Variants in RAB11FIP5 observed in about 807,000 individuals in gnomAD.
The protein encoded by RAB11FIP5 is RAB11 family interacting protein 5, also known as rab11 family-interacting protein 5.
In RAB11FIP5, 48 loss-of-function variants were observed where a neutral mutation model predicts 85.1. The ratio of observed to expected loss-of-function variants is 0.56; its 90% confidence interval spans 0.45 to 0.72. The LOEUF (loss-of-function observed/expected upper bound fraction) is 0.72. RAB11FIP5 is among the 30% of genes least tolerant of loss of function. The pLI is 0.00. For missense variants in RAB11FIP5, 1,491 were observed against 1,687.0 expected (o/e 0.88, Z 2.04); for synonymous variants, 729 against 727.3 (o/e 1.00, Z -0.04).
Position 73,088,393 on chromosome 2 carries a change from G to A in RAB11FIP5, c.1225C>T (p.Gln409Ter). 1 of 1,613,884 alleles carries A rather than the reference G, an allele frequency of 6.2e-7. No homozygotes were observed. The highest frequency in any genetic ancestry group is 8.5e-7 in the Non-Finnish European group (1 of 1,180,046). ...GCCCCAGGGGCCAGGACTTTAGCCT[G>A]AGCACTCAGCTCCTCCTGTCCAAGC... The part of the protein sequence containing the change: ...AVLGQEELSA[Q>*]AKVLAPGASH... Residue 409 changes from glutamine to a stop codon, truncating the protein, a stop_gained, in exon 3 of 6, where the codon CAG (glutamine) becomes TAG (stop). Transcript: ENST00000486777. LOFTEE classifies it high-confidence loss of function.
At chr2:73,100,432 T>TG (rs1468441397) in intron 1 of RAB11FIP5, among the ~76,000 whole-genome samples, 1 of 150,266 alleles carries the variant, frequency 6.7e-6, no homozygotes, top group East Asian at 1.9e-4. Context: ...GTGGTTTTTT[T>TG]TTTTTTTTTT....
chr2:73,109,190 AC>A (rs1684594164), intron 1 of RAB11FIP5, among the ~76,000 whole-genome samples: 1 of 152,206 alleles, frequency 6.6e-6, no homozygotes, highest in Non-Finnish European at 1.5e-5. Flanking sequence ...CTTGTGTACT[AC>A]CATTACATTT....
intron 4 of RAB11FIP5, among the ~76,000 whole-genome samples, chr2:73,077,355 T>C (rs1559231753): frequency 6.6e-6 from 1 of 152,196 alleles, no homozygotes; most frequent in Non-Finnish European, 1.5e-5. Flanking sequence ...CACTGCCACC[T>C]TCCTACCTTC....
chr2:73,090,759 T>C (rs1684192897), intron 1 of RAB11FIP5, among the ~76,000 whole-genome samples: 1 of 152,214 alleles, frequency 6.6e-6, no homozygotes, highest in African/African-American at 2.4e-5. Context: ...GAGCGATGAA[T>C]AGGCAGAGCA....
chr2:73,110,057 C>A (rs996912230), intron 1 of RAB11FIP5, among the ~76,000 whole-genome samples: 2 of 152,230 alleles, frequency 1.3e-5, no homozygotes, highest in African/African-American at 4.8e-5. Context: ...GGACTGGGAT[C>A]TGTCCAGTGC....
intron 1 of RAB11FIP5, among the ~76,000 whole-genome samples, chr2:73,111,998 C>A (rs1315430454): frequency 6.6e-6 from 1 of 152,146 alleles, no homozygotes; most frequent in Non-Finnish European, 1.5e-5. Flanking sequence ...GAGGCAGGCC[C>A]GGAGGTTCTA....
rs761489119 is a variant in RAB11FIP5, at chr2:73,100,579, C to T, written c.432-11264G>A. ...TAGCTGGGATTAAAGGCATGTGCTACCACACCCAGCTAATTTTTGTATTTC... is the reference window on the plus strand; with the variant it reads ...TAGCTGGGATTAAAGGCATGTGCTATCACACCCAGCTAATTTTTGTATTTC... On this transcript the variant is annotated intron_variant, in intron 1 of 5. Transcript: ENST00000486777. Among the ~76,000 whole-genome samples the T allele has an allele frequency of 8.6e-4, 130 of 151,984 alleles. 1 individual carries two copies. Among genetic ancestry groups the T allele is most frequent in the Non-Finnish European group, 1.7e-3 (117 of 68,002 alleles).
At position 73,089,381 on chromosome 2, in the gene RAB11FIP5, C is replaced by G; in HGVS notation, c.432-66G>C. 6.6e-7 allele frequency: 1 copy of G among 1,510,496 alleles called. No individual in the cohort carries two copies. The highest frequency in any genetic ancestry group is 9.1e-7 in the Non-Finnish European group (1 of 1,096,034). 93.6% of individuals were successfully genotyped at this position (1,510,496 alleles called of 1,614,324 possible). On this transcript the variant is annotated intron_variant, in intron 1 of 5. Transcript: ENST00000486777. This position sits in a 1 kb window ranked among gnomAD's most constrained non-coding sequence, Gnocchi z 4.6. Reference sequence around the variant, plus strand: ...CAGGGAGCCTGGCTCCCGCCCGGTACCAGGCACTGCCCAGACCCCTCCTTG... The same window carrying G: ...CAGGGAGCCTGGCTCCCGCCCGGTAGCAGGCACTGCCCAGACCCCTCCTTG...
At chr2:73,091,867 TC>T (rs1684219240) in intron 1 of RAB11FIP5, among the ~76,000 whole-genome samples, 1 of 151,682 alleles carries the variant, frequency 6.6e-6, no homozygotes, top group African/African-American at 2.4e-5. Flanking sequence ...TGAGAGACAA[TC>T]CCCTGAGAAG....
Position 73,106,474 on chromosome 2 carries a change from T to C in RAB11FIP5, c.431+5873A>G, listed in dbSNP as rs142242361. Among the ~76,000 whole-genome samples the C allele has an allele frequency of 2.2e-4, 34 of 152,288 alleles. 1 individual carries two copies. The East Asian group carries it at 5.8e-3, about 26-fold the overall frequency. On this transcript the variant is annotated intron_variant, in intron 1 of 5. Transcript: ENST00000486777. ...AGGGCTTCCTCCAAATGTAGGGAGA[T>C]ATCCAGGCTTCCCCCCCTTTGGAAT...
rs1365033497 is a variant in RAB11FIP5 at position 73,080,006 on chromosome 2, TG to T, written c.3225del (p.Ser1076AlafsTer59). The T allele has an allele frequency of 1.6e-6, 2 of 1,232,032 alleles. No individual in the cohort carries two copies. The highest frequency in any genetic ancestry group is 2.0e-6 in the Non-Finnish European group (2 of 988,024). 76.3% of individuals were successfully genotyped at this position (1,232,032 alleles called of 1,614,324 possible). On this transcript the variant is annotated frameshift_variant, in exon 4 of 6. Coordinates refer to ENST00000486777, the MANE Select transcript of RAB11FIP5 (RefSeq NM_001371272.1). LOFTEE classifies it high-confidence loss of function. ...PFLFQGSRDP[P>X]SLSSASPPGS... ...CCTGGCGGGGATGCAGATGAGAGGCTGGGAGGATCTCGGCTCCCCTGAAACA... is the reference window on the plus strand; with the variant it reads ...CCTGGCGGGGATGCAGATGAGAGGCTGGAGGATCTCGGCTCCCCTGAAACA...
chr2:73,078,765 G>A lies in RAB11FIP5; in HGVS notation c.3581+886C>T, dbSNP rs1010266835. Among the ~76,000 whole-genome samples the A allele has an allele frequency of 5.9e-5, 9 of 152,220 alleles. No homozygotes were observed. The highest frequency in any genetic ancestry group is 1.9e-4 in the East Asian group (1 of 5,176). ...GCCCTGCTCTCCCCTCCCTTCACTC[G>A]GTCCTCCTAGAGCGCTATCGTCCCA... On this transcript the variant is annotated intron_variant, in intron 4 of 5. Transcript: ENST00000486777. This position sits in a 1 kb window ranked among gnomAD's most constrained non-coding sequence, Gnocchi z 4.4.
At position 73,112,427 on chromosome 2, in the gene RAB11FIP5, G is replaced by A. The variant is rs1684680291; in HGVS notation, c.351C>T (p.Leu117=). 1.2e-6 allele frequency: 2 copies of A among 1,601,468 alleles called. No individual in the cohort carries two copies. Among genetic ancestry groups the A allele is most frequent in the African/African-American group, 2.7e-5 (2 of 73,616 alleles). The change falls in exon 1 of 6, where the codon CTC becomes CTT. Residue 117 remains leucine, a synonymous_variant. Transcript: ENST00000486777. ...GGCCCAGGAACTTGTCGACGCCGAT[G>A]AGCGAGCGGTGCATGGTGGTGAGCA... is the stretch of plus-strand genomic sequence containing the variant. The part of the protein sequence containing the change: ...ELVLTTMHRS[L]IGVDKFLGQA...
chr2:73,086,767 C>T lies in RAB11FIP5; in HGVS notation c.1568+1283G>A, dbSNP rs146500840. Among the ~76,000 whole-genome samples, 3 of 152,296 alleles carry T rather than the reference C, an allele frequency of 2.0e-5. No individual in the cohort carries two copies. The East Asian group carries it at 5.8e-4, about 30-fold the overall frequency. On this transcript the variant is annotated intron_variant, in intron 3 of 5. Transcript: ENST00000486777. The surrounding 1 kb of genome is among the most constrained non-coding windows in gnomAD (Gnocchi z 4.4). ...CCTAGGCCGCAGATGGCCAGCAGCT[C>T]ACCTGAGCTCTGGTGAGTAGGGGCG...
chr2:73,081,797 CCAGGGTA>C lies in RAB11FIP5; in HGVS notation c.1569-141_1569-135del. 1.2e-6 allele frequency: 1 copy of C among 831,522 alleles called. No individual in the cohort carries two copies. The highest frequency in any genetic ancestry group is 1.6e-6 in the Non-Finnish European group (1 of 623,304). The allele number at this position is 831,522 out of a possible 1,614,324, so 51.5% of individuals were successfully genotyped here. On this transcript the variant is annotated intron_variant, in intron 3 of 5. Coordinates refer to ENST00000486777, the MANE Select transcript of RAB11FIP5 (RefSeq NM_001371272.1). The surrounding 1 kb of genome is among the most constrained non-coding windows in gnomAD (Gnocchi z 4.2). ...CATAGGCTGGATTTACCTACTTGGG[CCAGGGTA>C]CAGAGGGAAGACCCCAACATGTAAC...
At chr2:73,079,195 C>T (rs545707632) in intron 4 of RAB11FIP5, among the ~76,000 whole-genome samples, 12 of 152,298 alleles carry the variant, frequency 7.9e-5, no homozygotes, top group African/African-American at 2.9e-4. Flanking sequence ...GAATAGGAAA[C>T]TGCTCAAGGC....
intron 1 of RAB11FIP5, among the ~76,000 whole-genome samples, chr2:73,107,064 G>T (rs1181699267): frequency 6.6e-6 from 1 of 152,208 alleles, no homozygotes; most frequent in African/African-American, 2.4e-5. Context: ...TCCCAAGGTA[G>T]AAATAACCTC....
Position 73,088,934 on chromosome 2 carries a change from G to A in RAB11FIP5, c.813C>T (p.Gly271=), listed in dbSNP as rs758076621. 30 of 1,604,596 alleles carry A rather than the reference G, an allele frequency of 1.9e-5. No homozygotes were observed. The highest frequency in any genetic ancestry group is 4.0e-5 in the African/African-American group (3 of 74,750). Residue 271 remains glycine (G), a synonymous_variant, in exon 2 of 6, where the codon GGC becomes GGT. Coordinates refer to ENST00000486777, the MANE Select transcript of RAB11FIP5 (RefSeq NM_001371272.1). ...TTGGTGAGCGGGTGAGGAGTTCGGC[G>A]CCAGGTCCCTGGTAGGCCAAGCTCC... The part of the protein sequence containing the change: ...ASGSLAYQGP[G]AELLTRSPSR...
At position 73,089,075 on chromosome 2, in the gene RAB11FIP5, GC is replaced by G; in HGVS notation, c.671del (p.Ser224ThrfsTer22). On this transcript the variant is annotated frameshift_variant, in exon 2 of 6. Coordinates refer to ENST00000486777, the MANE Select transcript of RAB11FIP5 (RefSeq NM_001371272.1). LOFTEE classifies it high-confidence loss of function. The surrounding 1 kb of genome is among the most constrained non-coding windows in gnomAD (Gnocchi z 4.6). ...SSAIEDPDLGSLGKMGKAKGF... is the reference protein window; with the variant it reads ...SSAIEDPDLGXLGKMGKAKGF... ...CTTTGGCTTTGCCCATCTTGCCCAG[GC>G]TGCCCAGGTCAGGATCCTCTATGGC... is the stretch of plus-strand genomic sequence containing the variant. The G allele has an allele frequency of 6.2e-7, 1 of 1,614,242 alleles. No homozygotes were observed. The highest frequency in any genetic ancestry group is 8.5e-7 in the Non-Finnish European group (1 of 1,180,034).
Sources: gnomAD v4.1 joint callset for allele counts (sites outside exome capture counted in the v4.1 genomes callset) on GRCh38, gnomAD v4.1.1 for gene constraint, Gnocchi (gnomAD v3.1) non-coding constraint, MANE v1.5 for transcripts, NCBI Gene and HGNC (gene_info 2026-07-23, HGNC 2026-07-21) for gene names.